The following ARFGAP3 variants were observed in gnomAD, a reference collection of about 807,000 sequenced individuals.
ARFGAP3 encodes ADP-ribosylation factor GTPase-activating protein 3.
ARFGAP3 carries 72 observed loss-of-function variants against 75.0 expected under a neutral mutation model. The ratio of observed to expected loss-of-function variants is 0.96; its 90% CI spans 0.79 to 1.17. The LOEUF is 1.17. Ranked by LOEUF, ARFGAP3 falls within the 50% of genes most tolerant of loss-of-function variation. The pLI, the probability that ARFGAP3 is intolerant of heterozygous loss-of-function variation, is 0.00. For synonymous variants in ARFGAP3, 221 were observed against 217.9 expected (o/e 1.01, Z -0.13); for missense variants, 620 against 626.6 (o/e 0.99, Z 0.11).
At chr22:42,824,631 C>T (rs1925960473) in intron 7 of ARFGAP3, among the ~76,000 whole-genome samples, 1 of 151,884 alleles carries the variant, frequency 6.6e-6, no homozygotes, top group Admixed American at 6.6e-5. Context: ...TTCTAAAGTG[C>T]TGGGATTACA....
chr22:42,855,520 T>C (rs1927457178), intron 1 of ARFGAP3, among the ~76,000 whole-genome samples: 1 of 152,046 alleles, frequency 6.6e-6, no homozygotes, highest in Non-Finnish European at 1.5e-5. Flanking sequence ...ACCTCGTCTC[T>C]ACTAAAAATA....
chr22:42,821,684 A>C (rs1444963645), intron 9 of ARFGAP3, among the ~76,000 whole-genome samples: 3 of 152,244 alleles, frequency 2.0e-5, no homozygotes, highest in Non-Finnish European at 4.4e-5. Context: ...GCCACTATGA[A>C]CATTCATGCA....
intron 14 of ARFGAP3, among the ~76,000 whole-genome samples, chr22:42,804,445 G>A (rs1224276313): frequency 1.4e-5 from 2 of 140,230 alleles, no homozygotes; most frequent in Non-Finnish European, 3.0e-5. Context: ...GCAGCGGTGT[G>A]ATCTCGGCAC....
At chr22:42,834,440 C>A in intron 4 of ARFGAP3, 115 bp from the exon 5 acceptor site, 1 of 1,494,448 alleles carries the variant, frequency 6.7e-7, no homozygotes, top group Non-Finnish European at 8.9e-7. Flanking sequence ...GCTTTCCATT[C>A]TTATAAAATC....
At chr22:42,809,003 T>G (rs1925249403) in intron 12 of ARFGAP3, 113 bp from the exon 13 acceptor site, 1 of 1,257,566 alleles carries the variant, frequency 8.0e-7, no homozygotes, top group African/African-American at 1.5e-5. Flanking sequence ...TAAAAGGATT[T>G]TAGGCTGTTT....
intron 9 of ARFGAP3, 118 bp from the exon 10 acceptor site, chr22:42,817,975 T>G (rs1389785160): frequency 1.6e-6 from 2 of 1,286,470 alleles, no homozygotes; most frequent in Non-Finnish European, 2.0e-6. Context: ...TTTCCATAAT[T>G]AACAATTATG....
At position 42,826,428 on chromosome 22, in the gene ARFGAP3, A is replaced by G. The variant is rs547582130; in HGVS notation, c.625+512T>C. 2.6e-5 allele frequency among the ~76,000 whole-genome samples: 4 copies of G among 151,382 alleles called. No individual in the cohort carries two copies. The East Asian group carries it at 7.8e-4, about 29-fold the overall frequency. Reference sequence around the variant, plus strand: ...AAGGTATCACTCTGTCACCCAGGGCAGAGTGCAGTGGTGTGATCATGGCTC... The same window carrying G: ...AAGGTATCACTCTGTCACCCAGGGCGGAGTGCAGTGGTGTGATCATGGCTC... On this transcript the variant is annotated intron_variant, in intron 7 of 15. Coordinates refer to ENST00000263245, the MANE Select transcript of ARFGAP3 (RefSeq NM_014570.5).
chr22:42,838,417 C>T (rs923708992), intron 3 of ARFGAP3, among the ~76,000 whole-genome samples: 1 of 151,664 alleles, frequency 6.6e-6, no homozygotes, highest in Admixed American at 6.6e-5. Context: ...CCCACCTCAG[C>T]CTCCTGAGTA....
intron 14 of ARFGAP3, among the ~76,000 whole-genome samples, chr22:42,802,557 T>C (rs1407687683): frequency 3.7e-4 from 55 of 150,352 alleles, no homozygotes; most frequent in Non-Finnish European, 7.4e-5. Context: ...CCTCCCAAAG[T>C]GCTGGGATTA....
chr22:42,835,387 TGA>T lies in ARFGAP3; in HGVS notation c.366_367del (p.Gln123SerfsTer8). On this transcript the variant is annotated frameshift_variant, in exon 4 of 16. Coordinates refer to ENST00000263245, the MANE Select transcript of ARFGAP3 (RefSeq NM_014570.5). LOFTEE classifies it high-confidence loss of function. ...ATCAGTGCCATGCTTCCGTGTTGCTTGAGAGGCGAGCGATTTGATTTTCTCCC... is the reference window on the plus strand; with the variant it reads ...ATCAGTGCCATGCTTCCGTGTTGCTTGAGGCGAGCGATTTGATTTTCTCCC... 6.2e-7 allele frequency: 1 copy of T among 1,614,102 alleles called. No individual in the cohort carries two copies. Among genetic ancestry groups the T allele is most frequent in the Non-Finnish European group, 8.5e-7 (1 of 1,179,978 alleles).
chr22:42,819,871 G>A (rs1181682265), intron 9 of ARFGAP3, among the ~76,000 whole-genome samples: 2 of 152,192 alleles, frequency 1.3e-5, no homozygotes, highest in Non-Finnish European at 2.9e-5. Flanking sequence ...TGGTCATTAA[G>A]GCACAGTGGT....
intron 13 of ARFGAP3, among the ~76,000 whole-genome samples, chr22:42,807,890 G>A (rs114192845): frequency 0.011 from 1,594 of 150,866 alleles, 28 homozygotes; most frequent in African/African-American, 0.036. Context: ...GACTAGAAGC[G>A]CGTACCACCA....
chr22:42,804,826 T>G (rs2146527673), intron 14 of ARFGAP3, among the ~76,000 whole-genome samples: 1 of 152,240 alleles, frequency 6.6e-6, no homozygotes, highest in East Asian at 1.9e-4. Context: ...CAGAACAAGT[T>G]TTAAGAACTT....
At chr22:42,835,645 C>T (rs1275310922) in intron 3 of ARFGAP3, 152 bp from the exon 4 acceptor site, 4 of 777,216 alleles carry the variant, frequency 5.1e-6, no homozygotes, top group Admixed American at 3.4e-5. Context: ...CACGGTGAAA[C>T]CTTGCCTTTA....
chr22:42,816,272 T>TTGAA lies in ARFGAP3; in HGVS notation c.1064+869_1064+870insTTCA, dbSNP rs1925576455. 2.0e-5 allele frequency among the ~76,000 whole-genome samples: 3 copies of TTGAA among 152,322 alleles called. No individual in the cohort carries two copies. In the South Asian group the frequency reaches 6.2e-4, roughly 32 times the overall value. On this transcript the variant is annotated intron_variant, in intron 11 of 15. Transcript: ENST00000263245. ...CTCATTCGATCCTCACACAACCCTA[T>TTGAA]TGGGTAGGTATTACTAGGGTCCCTA...
rs142715374 is a variant in ARFGAP3, at chr22:42,848,667, C to T, written c.70-1035G>A. ...GAAGCAGCCCTGCCTAGAAACACTCCAGCCCTACCATCCTTCCTGGCAGTG... is the reference window on the plus strand; with the variant it reads ...GAAGCAGCCCTGCCTAGAAACACTCTAGCCCTACCATCCTTCCTGGCAGTG... On this transcript the variant is annotated intron_variant, in intron 1 of 15. Transcript: ENST00000263245. Among the ~76,000 whole-genome samples, 697 of 152,262 alleles carry T rather than the reference C, an allele frequency of 4.6e-3. 5 individuals carry two copies. Among genetic ancestry groups the T allele is most frequent in the African/African-American group, 0.015 (643 of 41,552 alleles).
chr22:42,842,255 T>G (rs1926816032), intron 2 of ARFGAP3, among the ~76,000 whole-genome samples: 1 of 151,326 alleles, frequency 6.6e-6, no homozygotes, highest in Non-Finnish European at 1.5e-5. Context: ...TCCACCCACC[T>G]TGGCCTCCCA....
chr22:42,800,974 C>T (rs1023679987), intron 14 of ARFGAP3, among the ~76,000 whole-genome samples: 16 of 152,348 alleles, frequency 1.1e-4, no homozygotes, highest in African/African-American at 2.9e-4. Flanking sequence ...AGCTACAGAC[C>T]TGCTTTTCCA....
chr22:42,841,236 C>G (rs1926767927), intron 2 of ARFGAP3: 1 of 298,624 alleles, frequency 3.3e-6, no homozygotes, highest in Non-Finnish European at 4.9e-6. Flanking sequence ...ATGCAGGGCA[C>G]AGGGACATGA....
Sources: gnomAD v4.1 joint callset for allele counts (sites outside exome capture counted in the v4.1 genomes callset) on GRCh38, gnomAD v4.1.1 for gene constraint, MANE v1.5 for transcripts, NCBI Gene and HGNC (gene_info 2026-07-23, HGNC 2026-07-21) for gene names.